EPS15L1: variants seen among roughly 807,000 people sequenced by gnomAD.
EPS15L1 encodes epidermal growth factor receptor pathway substrate 15 like 1.
EPS15L1 carries 43 observed loss-of-function variants against 117.1 expected under a neutral mutation model. The observed-to-expected ratio is 0.37, with a 90% CI of 0.29 to 0.47. EPS15L1 has a LOEUF of 0.47. Among genes scored for constraint, EPS15L1 ranks in the 20% least tolerant of loss-of-function variants. The pLI, the probability that EPS15L1 is intolerant of heterozygous loss-of-function variation, is 0.99. For synonymous variants in EPS15L1, 459 were observed against 470.5 expected (o/e 0.98, Z 0.32); for missense variants, 981 against 1,164.0 (o/e 0.84, Z 2.29).
chr19:16,385,777 A>G (rs959309818), intron 20 of EPS15L1, among the ~76,000 whole-genome samples: 1 of 152,222 alleles, frequency 6.6e-6, no homozygotes, highest in Admixed American at 6.5e-5. Flanking sequence ...TGCGAGTTCT[A>G]CACTGTGAGA....
chr19:16,446,624 G>A (rs2093085913), intron 1 of EPS15L1, among the ~76,000 whole-genome samples: 2 of 152,160 alleles, frequency 1.3e-5, no homozygotes, highest in Admixed American at 1.3e-4. Flanking sequence ...AACAGTCAGT[G>A]AAGCACCCAG....
intron 17 of EPS15L1, among the ~76,000 whole-genome samples, chr19:16,394,806 A>C (rs1568414195): frequency 6.6e-6 from 1 of 152,174 alleles, no homozygotes; most frequent in Non-Finnish European, 1.5e-5. Context: ...TGAAGTACTG[A>C]AGGGTTCAAG....
At chr19:16,428,819 A>G in intron 7 of EPS15L1, 58 bp from the exon 8 acceptor site, 1 of 1,394,954 alleles carries the variant, frequency 7.2e-7, no homozygotes, top group South Asian at 1.2e-5. Flanking sequence ...TGAGAGTGAG[A>G]CCACCTGCCG....
At chr19:16,393,077 TATAATAATAATAATA>T (rs149019261) in intron 18 of EPS15L1, among the ~76,000 whole-genome samples, 25,622 of 142,334 alleles carry the variant, frequency 0.18, 2,439 homozygotes, top group African/African-American at 0.23. Flanking sequence ...AGGAGCTGGA[TATAATAATAATAATA>T]ATAATAATAA....
intron 9 of EPS15L1, among the ~76,000 whole-genome samples, 192 bp downstream of exon 9, chr19:16,424,891 A>AACCTTGAGATCTGCCC (rs1331706536): frequency 1.1e-4 from 16 of 151,866 alleles, no homozygotes. Flanking sequence ...TTGATCTCCT[A>AACCTTGAGATCTGCCC]ACCTTGAGAT....
intron 1 of EPS15L1, among the ~76,000 whole-genome samples, chr19:16,463,337 C>T (rs1460944861): frequency 1.3e-5 from 2 of 152,180 alleles, no homozygotes; most frequent in South Asian, 2.1e-4. Flanking sequence ...GCTTCCTCTC[C>T]CACCTAGACC....
Position 16,437,882 on chromosome 19 carries a change from A to G in EPS15L1, c.214-17T>C, listed in dbSNP as rs764333018. The G allele has an allele frequency of 5.1e-5, 82 of 1,601,910 alleles. No individual in the cohort carries two copies. Among genetic ancestry groups the G allele is most frequent in the Non-Finnish European group, 6.0e-5 (70 of 1,169,122 alleles). ...ATAGAAACCCTGCAAGTCCAAAGAAAGGGAAGGAGTAAACAGCATATCGCC... is the reference window on the plus strand; with the variant it reads ...ATAGAAACCCTGCAAGTCCAAAGAAGGGGAAGGAGTAAACAGCATATCGCC... On this transcript the variant is annotated splice_polypyrimidine_tract_variant and intron_variant, in intron 4 of 23. Coordinates refer to ENST00000455140, the MANE Select transcript of EPS15L1 (RefSeq NM_001258374.3).
intron 7 of EPS15L1, 49 bp downstream of exon 7, chr19:16,434,316 C>T: frequency 6.3e-7 from 1 of 1,594,300 alleles, no homozygotes; most frequent in Non-Finnish European, 8.5e-7. Context: ...GGCGCCCACA[C>T]ACAGCAGGGA....
At chr19:16,372,761 G>C (rs1039866043) in intron 22 of EPS15L1, among the ~76,000 whole-genome samples, 1 of 152,260 alleles carries the variant, frequency 6.6e-6, no homozygotes, top group Non-Finnish European at 1.5e-5. Context: ...ACACCCACCT[G>C]CTAGGCCTGA....
chr19:16,386,837 G>C (rs749211930), intron 19 of EPS15L1, among the ~76,000 whole-genome samples: 2 of 152,232 alleles, frequency 1.3e-5, no homozygotes, highest in Non-Finnish European at 2.9e-5. Flanking sequence ...CCATCTGCTG[G>C]TGAGTGTCTG....
chr19:16,389,019 C>A (rs917152941), intron 19 of EPS15L1, among the ~76,000 whole-genome samples: 2 of 151,990 alleles, frequency 1.3e-5, no homozygotes, highest in South Asian at 4.2e-4. Flanking sequence ...GAGGACGAGG[C>A]GGGCAGATCA....
intron 4 of EPS15L1, 136 bp from the exon 5 acceptor site, chr19:16,438,001 G>C: frequency 1.5e-6 from 1 of 657,512 alleles, no homozygotes; most frequent in Admixed American, 2.5e-5. Context: ...AAACCCCTTG[G>C]AGCGTTGGGC....
Position 16,404,469 on chromosome 19 carries a change from C to T in EPS15L1, c.1428+119G>A. On this transcript the variant is annotated intron_variant, in intron 14 of 23. Transcript: ENST00000455140. The surrounding 1 kb of genome is among the most constrained non-coding windows in gnomAD (Gnocchi z 4.2). ...CTTTTCCACGTGGTGTTTGGAGGAA[C>T]TCTATTGACCCAGTAGGATGTCTAA... 8.6e-7 allele frequency: 1 copy of T among 1,157,270 alleles called. No individual in the cohort carries two copies. The allele number at this position is 1,157,270 out of a possible 1,614,324, so 71.7% of individuals were successfully genotyped here.
At chr19:16,426,554 G>A (rs893728331) in intron 8 of EPS15L1, among the ~76,000 whole-genome samples, 10 of 152,126 alleles carry the variant, frequency 6.6e-5, no homozygotes, top group African/African-American at 1.7e-4. Context: ...CAGGAGAATC[G>A]CTTGAATCCA....
intron 8 of EPS15L1, among the ~76,000 whole-genome samples, chr19:16,425,846 G>A (rs1004809333): frequency 2.0e-5 from 3 of 152,174 alleles, no homozygotes; most frequent in African/African-American, 7.2e-5. Context: ...GTGGAACTGA[G>A]GATGCATCCA....
chr19:16,429,022 T>C (rs1026871676), intron 7 of EPS15L1, among the ~76,000 whole-genome samples: 1 of 152,184 alleles, frequency 6.6e-6, no homozygotes, highest in Non-Finnish European at 1.5e-5. Flanking sequence ...GGCTATACTT[T>C]AAACTTACCC....
intron 5 of EPS15L1, 99 bp from the exon 6 acceptor site, chr19:16,437,098 A>G (rs1221278768): frequency 2.0e-6 from 2 of 1,015,418 alleles, no homozygotes; most frequent in Admixed American, 3.9e-5. Flanking sequence ...GTGCTTTCAA[A>G]AAAGGGAAGA....
chr19:16,406,610 C>T (rs1009201797), intron 13 of EPS15L1, among the ~76,000 whole-genome samples: 19 of 152,208 alleles, frequency 1.2e-4, no homozygotes, highest in Non-Finnish European at 2.2e-4. Context: ...TTCTAGTTAG[C>T]GCCACACTGG....
At chr19:16,388,683 T>G (rs969136723) in intron 19 of EPS15L1, among the ~76,000 whole-genome samples, 1 of 151,912 alleles carries the variant, frequency 6.6e-6, no homozygotes, top group Admixed American at 6.5e-5. Flanking sequence ...AGAAATTAGC[T>G]GGGCATAGTG....
Sources: gnomAD v4.1 joint callset for allele counts (sites outside exome capture counted in the v4.1 genomes callset) on GRCh38, gnomAD v4.1.1 for gene constraint, Gnocchi (gnomAD v3.1) non-coding constraint, MANE v1.5 for transcripts, NCBI Gene and HGNC (gene_info 2026-07-23, HGNC 2026-07-21) for gene names.